Variants in FNDC3B observed in about 807,000 individuals in gnomAD.
FNDC3B encodes the protein fibronectin type III domain-containing protein 3B.
FNDC3B carries 12 observed loss-of-function variants against 151.5 expected under a neutral mutation model. The observed-to-expected ratio is 0.08, with a 90% CI of 0.05 to 0.13. FNDC3B has a LOEUF of 0.13. Ranked by LOEUF, FNDC3B falls within the 10% of genes least tolerant of loss-of-function variation. The pLI is 1.00. For synonymous variants in FNDC3B, 528 were observed against 549.0 expected (o/e 0.96, Z 0.54); for missense variants, 1,214 against 1,505.3 (o/e 0.81, Z 3.20).
chr3:172,161,772 GTA>G (rs1414714866), intron 3 of FNDC3B, among the ~76,000 whole-genome samples: 1 of 152,076 alleles, frequency 6.6e-6, no homozygotes, highest in African/African-American at 2.4e-5. Flanking sequence ...CATATATTGT[GTA>G]TCCATCACTA....
At chr3:172,306,520 T>C (rs1731208737) in intron 9 of FNDC3B, among the ~76,000 whole-genome samples, 1 of 152,220 alleles carries the variant, frequency 6.6e-6, no homozygotes. Flanking sequence ...TTCTTTGTTG[T>C]TGTTGTTTTT....
chr3:172,155,797 T>A (rs1420658788), intron 3 of FNDC3B, among the ~76,000 whole-genome samples: 1 of 152,242 alleles, frequency 6.6e-6, no homozygotes, highest in African/African-American at 2.4e-5. Flanking sequence ...CTGATTTTCT[T>A]GAACCATGCC....
At chr3:172,054,927 A>C (rs1286670848) in intron 1 of FNDC3B, among the ~76,000 whole-genome samples, 1 of 152,184 alleles carries the variant, frequency 6.6e-6, no homozygotes, top group Non-Finnish European at 1.5e-5. Flanking sequence ...ATTATACCTC[A>C]AGAGGTAAAG....
intron 3 of FNDC3B, among the ~76,000 whole-genome samples, chr3:172,208,096 G>C (rs1725522340): frequency 2.2e-5 from 1 of 45,896 alleles, no homozygotes; most frequent in African/African-American, 7.6e-5. Flanking sequence ...GTCCATGCTG[G>C]ACAGCAGATT....
intron 3 of FNDC3B, among the ~76,000 whole-genome samples, chr3:172,218,140 A>G (rs1443493622): frequency 4.7e-5 from 7 of 149,952 alleles, no homozygotes; most frequent in African/African-American, 1.7e-4. Context: ...TCAGGAAAAA[A>G]AAAAAAAAAA....
intron 21 of FNDC3B, among the ~76,000 whole-genome samples, chr3:172,348,895 C>A (rs1187276864): frequency 1.3e-5 from 2 of 152,138 alleles, no homozygotes; most frequent in Non-Finnish European, 2.9e-5. Context: ...TCAAACTATA[C>A]CAATTTATTG....
At chr3:172,173,692 A>T (rs1723398091) in intron 3 of FNDC3B, among the ~76,000 whole-genome samples, 1 of 152,018 alleles carries the variant, frequency 6.6e-6, no homozygotes, top group South Asian at 2.1e-4. Context: ...ATAGTGGTGC[A>T]TACCTGTAGT....
intron 7 of FNDC3B, among the ~76,000 whole-genome samples, chr3:172,292,322 A>G (rs781680914): frequency 6.6e-6 from 1 of 152,234 alleles, no homozygotes; most frequent in Non-Finnish European, 1.5e-5. Flanking sequence ...GCACATTGGA[A>G]GAATGTATTT....
At chr3:172,317,431 G>T (rs1001318807) in intron 11 of FNDC3B, among the ~76,000 whole-genome samples, 1 of 152,056 alleles carries the variant, frequency 6.6e-6, no homozygotes, top group African/African-American at 2.4e-5. Flanking sequence ...TGATCCGCCT[G>T]CCTCGGCCTC....
chr3:172,112,633 G>A (rs1211957149), intron 2 of FNDC3B, 43 bp downstream of exon 2: 1 of 1,268,364 alleles, frequency 7.9e-7, no homozygotes, highest in Non-Finnish European at 1.2e-6. Context: ...TTGTCTAAGT[G>A]GGAAACAGTA....
chr3:172,347,983 A>G (rs953073397), intron 21 of FNDC3B, among the ~76,000 whole-genome samples: 1 of 152,194 alleles, frequency 6.6e-6, no homozygotes, highest in Non-Finnish European at 1.5e-5. Flanking sequence ...TGGCTATATT[A>G]TTATTTTTTC....
intron 3 of FNDC3B, among the ~76,000 whole-genome samples, chr3:172,157,736 T>A (rs1012821227): frequency 6.6e-6 from 1 of 152,244 alleles, no homozygotes; most frequent in Non-Finnish European, 1.5e-5. Flanking sequence ...CTTATATTGC[T>A]GAGCAGGATT....
At chr3:172,193,364 C>T (rs1472296030) in intron 3 of FNDC3B, among the ~76,000 whole-genome samples, 4 of 118,538 alleles carry the variant, frequency 3.4e-5, no homozygotes, top group Non-Finnish European at 6.9e-5. Flanking sequence ...ACTGCTTTCT[C>T]TATAATTTTT....
chr3:172,281,559 G>A (rs1004053560), intron 6 of FNDC3B, among the ~76,000 whole-genome samples: 1 of 152,190 alleles, frequency 6.6e-6, no homozygotes, highest in African/African-American at 2.4e-5. Flanking sequence ...TAAGGAATAG[G>A]AAATATAGGG....
chr3:172,397,438 T>C lies in FNDC3B; in HGVS notation c.3578T>C (p.Leu1193Ser). The stretch of plus-strand genomic sequence containing the variant: ...CTTGGCTTTGCAACTTTGTCCATTT[T>C]ATTTGCCTTTATATTACAGTACTTC... ...IVLGFATLSI[L>S]FAFILQYFLM... The change falls in exon 26 of 26, where the codon TTA (leucine) becomes TCA (serine). Residue 1193 changes from leucine to serine, a missense_variant. Coordinates refer to ENST00000415807, the MANE Select transcript of FNDC3B (RefSeq NM_022763.4). 6.2e-7 allele frequency: 1 copy of C among 1,611,968 alleles called. No individual in the cohort carries two copies. Among genetic ancestry groups the C allele is most frequent in the African/African-American group, 1.3e-5 (1 of 74,986 alleles).
At chr3:172,188,871 A>G (rs2108665950) in intron 3 of FNDC3B, among the ~76,000 whole-genome samples, 1 of 152,288 alleles carries the variant, frequency 6.6e-6, no homozygotes, top group South Asian at 2.1e-4. Context: ...CTCCCCAGGT[A>G]TCTTACATTC....
chr3:172,133,042 A>G (rs962175446), intron 2 of FNDC3B, among the ~76,000 whole-genome samples: 6 of 152,196 alleles, frequency 3.9e-5, no homozygotes, highest in Non-Finnish European at 7.3e-5. Context: ...GTCACACAAT[A>G]GAATCATATA....
intron 5 of FNDC3B, among the ~76,000 whole-genome samples, chr3:172,248,533 A>T (rs1727902307): frequency 6.6e-6 from 1 of 152,134 alleles, no homozygotes; most frequent in East Asian, 1.9e-4. Flanking sequence ...AGCCTCTAGG[A>T]CTTTGCAAAG....
chr3:172,328,466 G>A (rs1276172547), intron 11 of FNDC3B, among the ~76,000 whole-genome samples: 1 of 152,212 alleles, frequency 6.6e-6, no homozygotes, highest in African/African-American at 2.4e-5. Context: ...AGAGGGCCTT[G>A]TATGGCACAC....
Sources: allele counts gnomAD v4.1 joint callset (sites outside exome capture counted in the v4.1 genomes callset), GRCh38; gene constraint gnomAD v4.1.1; transcripts MANE v1.5; gene names NCBI Gene and HGNC (gene_info 2026-07-23, HGNC 2026-07-21).